RPL10: variants seen among roughly 807,000 people sequenced by gnomAD.
The protein encoded by RPL10 is ribosomal protein L10, also known as large ribosomal subunit protein uL16.
In RPL10, 1 loss-of-function variant was observed where a neutral mutation model predicts 15.7. That is an observed-to-expected ratio of 0.06 (90% CI 0.02 to 0.30). The LOEUF (loss-of-function observed/expected upper bound fraction) is 0.30, where lower values mean the gene tolerates loss of function less well. Ranked by LOEUF, RPL10 falls within the 10% of genes least tolerant of loss-of-function variation. The pLI is 1.00. For missense variants in RPL10, 54 were observed against 183.4 expected, an observed-to-expected ratio of 0.29 and a Z score of 4.08; for synonymous variants, 59 against 64.0, an observed-to-expected ratio of 0.92 and a Z score of 0.37.
At chrX:154,399,992 G>A (rs2067993747) in intron 5 of RPL10, 51 bp downstream of exon 5, 1 of 1,195,588 alleles carries the variant, frequency 8.4e-7, no homozygotes, top group Non-Finnish European at 1.1e-6. Context: ...ACATTATTAG[G>A]CTTGCATTAT....
At chrX:154,398,196 G>A (rs1557184718), upstream of RPL10, 2 of 449,642 alleles carry the variant, frequency 4.4e-6, no homozygotes, top group Non-Finnish European at 4.1e-6. Context: ...CGCGGCCCTG[G>A]TACCCGGTCA....
At chrX:154,398,257 A>G (rs1254456587), upstream of RPL10, 1 of 509,848 alleles carries the variant, frequency 2.0e-6, no homozygotes. Context: ...AAGCGCCAAG[A>G]GCGGCTGCGT....
chrX:154,400,399 G>T, intron 5 of RPL10, 65 bp from the exon 6 acceptor site: 1 of 1,150,511 alleles, frequency 8.7e-7, no homozygotes, highest in Non-Finnish European at 1.2e-6. Flanking sequence ...TTGCTCTAAG[G>T]GACCTTGGAG....
At chrX:154,398,205 C>T, upstream of RPL10, 1 of 460,118 alleles carries the variant, frequency 2.2e-6, no homozygotes, top group East Asian at 4.2e-5. Flanking sequence ...GGTACCCGGT[C>T]ACCTCTCTGA....
chrX:154,399,444 G>A (rs2067979395), intron 3 of RPL10, 43 bp from the exon 4 acceptor site: 4 of 1,208,551 alleles, frequency 3.3e-6, no homozygotes, highest in Non-Finnish European at 4.5e-6. Context: ...CGGACTCCGC[G>A]TCCGTCTGTG....
chrX:154,399,047 G>A (rs1557185090), intron 2 of RPL10: 1 of 427,373 alleles, frequency 2.3e-6, no homozygotes, highest in East Asian at 4.1e-5. Context: ...AGTACGCAGT[G>A]TCTTGAAGAG....
At chrX:154,399,721 GT>G (rs1167081161) in intron 4 of RPL10, 81 bp from the exon 5 acceptor site, 14 of 1,181,537 alleles carry the variant, frequency 1.2e-5, no homozygotes, top group Non-Finnish European at 1.6e-5. Context: ...AGCCAACACA[GT>G]TCCCCTGAGC....
At chrX:154,398,610 G>A (rs782249967) in intron 2 of RPL10, 68 bp downstream of exon 2, 41 of 1,171,716 alleles carry the variant, frequency 3.5e-5, no homozygotes, top group Non-Finnish European at 3.7e-5. Flanking sequence ...TATGGCCGCT[G>A]AAAACAATTG....
upstream of RPL10, chrX:154,398,308 A>C (rs915941): frequency 0.16 from 86,667 of 555,984 alleles, 6,965 homozygotes; most frequent in African/African-American, 0.49. Context: ...CCCGTCTTCG[A>C]CAGGACTCTA....
At position 154,401,254 on chromosome X, in the gene RPL10, C is replaced by A. The variant is rs1569552312; in HGVS notation, c.*400C>A. ...GAGGGGCTTGTGGGCTAGAGGCTGA[C>A]CAGCAGCGTTTATTTAGCAAGGGTA... On this transcript the variant is annotated 3_prime_UTR_variant, in exon 7 of 7. Transcript: ENST00000369817. 2 of 253,825 alleles carry A rather than the reference C, an allele frequency of 7.9e-6. No homozygotes were observed. Among genetic ancestry groups the A allele is most frequent in the Non-Finnish European group, 1.4e-5 (2 of 138,149 alleles). The allele number at this position is 253,825 out of a possible 1,213,427, so 20.9% of individuals were successfully genotyped here. A position where few individuals can be genotyped will look rare whatever the true frequency, so the allele number is the denominator to read the frequency against.
chrX:154,401,040 A>G lies in RPL10; in HGVS notation c.*186A>G. On this transcript the variant is annotated 3_prime_UTR_variant, in exon 7 of 7. Coordinates refer to ENST00000369817, the MANE Select transcript of RPL10 (RefSeq NM_006013.5). ...TGCTCATGAGGCAGCAAACCCTGCA[A>G]AGGGCTGGGACTGGTGGCCTTATGT... The G allele has an allele frequency of 1.8e-6, 2 of 1,138,381 alleles. No homozygotes were observed. Among genetic ancestry groups the G allele is most frequent in the Non-Finnish European group, 2.3e-6 (2 of 856,022 alleles). The allele number at this position is 1,138,381 out of a possible 1,213,427, so 93.8% of individuals were successfully genotyped here. A position where few individuals can be genotyped will look rare whatever the true frequency, so the allele number is the denominator to read the frequency against.
In RPL10 at chrX:154,398,840, C is replaced by A. The variant is rs939455911; in HGVS notation, c.23+298C>A. 1.7e-4 allele frequency: 70 copies of A among 403,418 alleles called. No individual in the cohort carries two copies. In the Admixed American group the frequency reaches 2.8e-3, roughly 16 times the overall value. 33.2% of individuals were successfully genotyped at this position (403,418 alleles called of 1,213,427 possible). On this transcript the variant is annotated intron_variant, in intron 2 of 6. Transcript: ENST00000369817. The stretch of plus-strand genomic sequence containing the variant: ...TGGGGCCTTTGTGTGCGTTCTCTGT[C>A]TTATTTCCGGGCGACGTGCCGCGTG...
In RPL10 at chrX:154,402,243, T is replaced by C. The variant is rs2068057452; in HGVS notation, c.*1389T>C. The C allele has an allele frequency of 6.2e-5, 8 of 129,659 alleles. 1 individual carries two copies. In the South Asian group the frequency reaches 1.9e-3, roughly 31 times the overall value. The allele number at this position is 129,659 out of a possible 1,213,427, so 10.7% of individuals were successfully genotyped here. ...CTGGTTTCAGGGAAGGAGTTTGATA[T>C]AGCAGATTAACCACCCTCCTTGTAG... On this transcript the variant is annotated 3_prime_UTR_variant, in exon 7 of 7. Coordinates refer to ENST00000369817, the MANE Select transcript of RPL10 (RefSeq NM_006013.5).
upstream of RPL10, chrX:154,398,327 A>C (rs2067951814): frequency 1.8e-6 from 1 of 569,089 alleles, no homozygotes; most frequent in African/African-American, 2.2e-5. Context: ...TATGGTTCTT[A>C]CGCGCGCAGA....
rs1407386714 is a variant in RPL10, at chrX:154,401,790, C to T, written c.*936C>T. ...TTTAATTACCTTTATTTTATTTTGC[C>T]AAACATACCTGGGAATACCTTTTAT... On this transcript the variant is annotated 3_prime_UTR_variant, in exon 7 of 7. Coordinates refer to ENST00000369817, the MANE Select transcript of RPL10 (RefSeq NM_006013.5). 1 of 109,685 alleles carries T rather than the reference C, an allele frequency of 9.1e-6. No individual in the cohort carries two copies. Among genetic ancestry groups the T allele is most frequent in the Non-Finnish European group, 1.9e-5 (1 of 53,134 alleles). 9.0% of individuals were successfully genotyped at this position (109,685 alleles called of 1,213,427 possible). A position where few individuals can be genotyped will look rare whatever the true frequency, so the allele number is the denominator to read the frequency against.
chrX:154,400,352 T>G, intron 5 of RPL10, 112 bp from the exon 6 acceptor site: 2 of 842,327 alleles, frequency 2.4e-6, no homozygotes, highest in Non-Finnish European at 3.5e-6. Flanking sequence ...ACACAGCAGC[T>G]TCCTTGGTAG....
At chrX:154,398,359 G>C (rs1187677744), upstream of RPL10, 3 of 655,749 alleles carry the variant, frequency 4.6e-6, no homozygotes, top group African/African-American at 2.1e-5. Flanking sequence ...TATAAGCCAT[G>C]CGCAGGCGGA....
chrX:154,399,788 C>T lies in RPL10; in HGVS notation c.191-15C>T. On this transcript the variant is annotated splice_polypyrimidine_tract_variant and intron_variant, in intron 4 of 6. Coordinates refer to ENST00000369817, the MANE Select transcript of RPL10 (RefSeq NM_006013.5). ...TATCTTCTCTCACTTTGCTGCTTTT[C>T]TTCTCCCTACCTAGCCCTGGAGGCT... is the stretch of plus-strand genomic sequence containing the variant. The T allele has an allele frequency of 3.3e-6, 4 of 1,210,935 alleles. No individual in the cohort carries two copies. Among genetic ancestry groups the T allele is most frequent in the South Asian group, 1.8e-5 (1 of 56,951 alleles).
Position 154,401,729 on chromosome X carries a change from T to G in RPL10, c.*875T>G, listed in dbSNP as rs1557186481. The G allele has an allele frequency of 1.8e-5, 2 of 112,429 alleles. No homozygotes were observed. The highest frequency in any genetic ancestry group is 6.5e-5 in the African/African-American group (2 of 30,905). 9.3% of individuals were successfully genotyped at this position (112,429 alleles called of 1,213,427 possible). A position where few individuals can be genotyped will look rare whatever the true frequency, so the allele number is the denominator to read the frequency against. On this transcript the variant is annotated 3_prime_UTR_variant, in exon 7 of 7. Transcript: ENST00000369817. The stretch of plus-strand genomic sequence containing the variant: ...CTGTGGCTCCCAAAAGGCCTCTGGT[T>G]TTTTGTAATCTCAGTTTACAGCCAT...
Sources: gnomAD v4.1 joint callset for allele counts on GRCh38, gnomAD v4.1.1 for gene constraint, MANE v1.5 for transcripts, NCBI Gene and HGNC (gene_info 2026-07-23, HGNC 2026-07-21) for gene names.